The following PCDH11X variants were observed in gnomAD, a reference collection of about 807,000 sequenced individuals.
PCDH11X encodes protocadherin 11 X-linked.
In PCDH11X, 18 loss-of-function variants were observed where a neutral mutation model predicts 53.3. The observed-to-expected ratio is 0.34, with a 90% CI of 0.23 to 0.50. The LOEUF (loss-of-function observed/expected upper bound fraction) is 0.50, where lower values mean the gene tolerates loss of function less well. PCDH11X is among the 20% of genes least tolerant of loss of function. PCDH11X has a pLI of 0.98. For synonymous variants in PCDH11X, 279 were observed against 393.3 expected (o/e 0.71, Z 3.44); for missense variants, 570 against 1,032.4 (o/e 0.55, Z 6.14).
At chrX:92,391,956 C>G (rs1290656290) in intron 9 of PCDH11X, among the ~76,000 whole-genome samples, 1 of 110,922 alleles carries the variant, frequency 9.0e-6, no homozygotes, top group South Asian at 3.7e-4. Flanking sequence ...AAAAATCCCC[C>G]TAAAATGAAG....
chrX:92,616,984 G>A (rs1288120845), intron 10 of PCDH11X, among the ~76,000 whole-genome samples: 1 of 110,557 alleles, frequency 9.0e-6, no homozygotes, highest in Non-Finnish European at 1.9e-5. Context: ...AAATGTGTCT[G>A]TGAATAGATA....
chrX:91,785,409 A>G (rs1237855775), intron 1 of PCDH11X, among the ~76,000 whole-genome samples: 3 of 109,236 alleles, frequency 2.7e-5, no homozygotes, highest in Admixed American at 2.0e-4. Flanking sequence ...GTTTTATTTT[A>G]ACTGCACTCT....
At chrX:92,328,769 G>T (rs1340159111) in intron 8 of PCDH11X, among the ~76,000 whole-genome samples, 3 of 110,131 alleles carry the variant, frequency 2.7e-5, no homozygotes, top group African/African-American at 9.9e-5. Context: ...ATCACTTAAA[G>T]AAATTGAATT....
intron 8 of PCDH11X, among the ~76,000 whole-genome samples, chrX:92,375,227 T>C (rs2070724080): frequency 1.2e-5 from 1 of 80,280 alleles, no homozygotes; most frequent in Middle Eastern, 6.8e-3. Flanking sequence ...CCAGGCTGGA[T>C]TGCAGTGGCA....
intron 6 of PCDH11X, among the ~76,000 whole-genome samples, chrX:92,038,555 A>T (rs1352690991): frequency 1.8e-5 from 2 of 112,405 alleles, no homozygotes; most frequent in Non-Finnish European, 3.8e-5. Flanking sequence ...ATGTCCAGGC[A>T]GAAGTTTGCT....
chrX:92,018,780 G>A (rs752865466), intron 6 of PCDH11X, among the ~76,000 whole-genome samples: 49 of 112,269 alleles, frequency 4.4e-4, no homozygotes, highest in African/African-American at 1.5e-3. Flanking sequence ...ATTGCCCATT[G>A]AAAATGAAAA....
intron 6 of PCDH11X, among the ~76,000 whole-genome samples, chrX:91,950,303 C>G (rs1006593737): frequency 9.4e-6 from 1 of 105,989 alleles, no homozygotes; most frequent in Non-Finnish European, 1.9e-5. Flanking sequence ...ATCTCCCTCT[C>G]ACCCTCTCTT....
At chrX:91,906,317 T>A (rs113685854) in intron 6 of PCDH11X, among the ~76,000 whole-genome samples, 1 of 110,925 alleles carries the variant, frequency 9.0e-6, no homozygotes, top group Admixed American at 9.7e-5. Flanking sequence ...CTTCCCATTT[T>A]GTTTTAATTT....
At chrX:92,178,658 ATTCATGTAT>A (rs907415438) in intron 6 of PCDH11X, among the ~76,000 whole-genome samples, 6 of 111,707 alleles carry the variant, frequency 5.4e-5, no homozygotes, top group Non-Finnish European at 1.1e-4. Flanking sequence ...TTATTGAATA[ATTCATGTAT>A]TATTGGCCTT....
At chrX:92,603,193 C>T (rs751520386) in intron 10 of PCDH11X, among the ~76,000 whole-genome samples, 1 of 101,357 alleles carries the variant, frequency 9.9e-6, no homozygotes, top group Admixed American at 1.1e-4. Context: ...TCAGAACACT[C>T]GAATTTAGGT....
At chrX:92,345,275 C>T (rs1186357267) in intron 8 of PCDH11X, among the ~76,000 whole-genome samples, 19 of 110,399 alleles carry the variant, frequency 1.7e-4, no homozygotes, top group African/African-American at 5.9e-4. Context: ...TTACTTGCTT[C>T]TCAGAAACAT....
intron 4 of PCDH11X, among the ~76,000 whole-genome samples, chrX:91,832,176 A>G (rs1335972451): frequency 2.9e-5 from 3 of 102,297 alleles, no homozygotes; most frequent in Non-Finnish European, 5.9e-5. Flanking sequence ...TCATGCTGCT[A>G]TAAAGACACA....
rs59199030 is a variant in PCDH11X, at chrX:91,917,569, CAAAAAAAAAAAAA to C, written c.3033+38311_3033+38323del. On this transcript the variant is annotated intron_variant, in intron 6 of 10. Coordinates refer to ENST00000682573, the MANE Select transcript of PCDH11X (RefSeq NM_032968.5). ...AACTCAATCTTTTTTACAGCAGCTGCAAAAAAAAAAAAAAAAAAAAAAAAAAATTCCTTAGGAA... is the reference window on the plus strand; with the variant it reads ...AACTCAATCTTTTTTACAGCAGCTGCAAAAAAAAAAAAAATTCCTTAGGAA... Among the ~76,000 whole-genome samples the C allele has an allele frequency of 2.5e-4, 4 of 15,891 alleles. No homozygotes were observed. The East Asian group carries it at 0.012, about 46-fold the overall frequency. The allele number at this position is 15,891 out of a possible 115,157, so 13.8% of individuals were successfully genotyped here.
chrX:91,834,510 T>C (rs1937225276), intron 4 of PCDH11X: 2 of 108,294 alleles, frequency 1.8e-5, no homozygotes, highest in Non-Finnish European at 3.8e-5. Flanking sequence ...AGTCTATAGA[T>C]GTGAAAACCC....
chrX:92,178,784 TTAAC>T (rs1195647282), intron 6 of PCDH11X, among the ~76,000 whole-genome samples: 1 of 111,943 alleles, frequency 8.9e-6, no homozygotes, highest in Non-Finnish European at 1.9e-5. Context: ...ATTTTATCAT[TTAAC>T]TACACATCAA....
Position 92,031,372 on chromosome X carries a change from CT to C in PCDH11X, c.3033+152100del, listed in dbSNP as rs756767148. On this transcript the variant is annotated intron_variant, in intron 6 of 10. Transcript: ENST00000682573. ...GAGTTGTTTAACCTCCTCATATGTT[CT>C]GGTTATTAATCCTTTATCAGATGTG... Among the ~76,000 whole-genome samples, 619 of 99,233 alleles carry C rather than the reference CT, an allele frequency of 6.2e-3. 4 individuals are homozygous for C. Among genetic ancestry groups the C allele is most frequent in the Middle Eastern group, 0.019 (4 of 206 alleles). 86.2% of individuals were successfully genotyped at this position (99,233 alleles called of 115,157 possible). A position where few individuals can be genotyped will look rare whatever the true frequency, so the allele number is the denominator to read the frequency against.
chrX:92,007,921 G>A (rs947752122), intron 6 of PCDH11X, among the ~76,000 whole-genome samples: 1 of 110,573 alleles, frequency 9.0e-6, no homozygotes, highest in Non-Finnish European at 1.9e-5. Flanking sequence ...TCTGGCCCAG[G>A]GTGTGTCTAG....
At chrX:92,444,488 G>C (rs1377802319) in intron 9 of PCDH11X, among the ~76,000 whole-genome samples, 2 of 105,444 alleles carry the variant, frequency 1.9e-5, no homozygotes, top group Non-Finnish European at 3.9e-5. Context: ...AACAGTGGTA[G>C]TTTGACTCTT....
chrX:92,050,680 T>C (rs1214323709), intron 6 of PCDH11X, among the ~76,000 whole-genome samples: 1 of 109,248 alleles, frequency 9.2e-6, no homozygotes, highest in African/African-American at 3.3e-5. Flanking sequence ...TCTTTAAGTG[T>C]AACATATACT....
Sources: gnomAD v4.1 joint callset for allele counts (sites outside exome capture counted in the v4.1 genomes callset) on GRCh38, gnomAD v4.1.1 for gene constraint, MANE v1.5 for transcripts, NCBI Gene and HGNC (gene_info 2026-07-23, HGNC 2026-07-21) for gene names.